Variants in UGGT2 observed in about 807,000 individuals in gnomAD.
UGGT2 encodes UDP-glucose:glycoprotein glucosyltransferase 2.
A neutral mutation model predicts 192.1 loss-of-function variants in UGGT2; 180 were observed. The observed-to-expected ratio is 0.94, with a 90% CI of 0.83 to 1.06. UGGT2 has a LOEUF of 1.06. UGGT2 is among the 50% of genes least tolerant of loss of function. The pLI is 0.00. For synonymous variants in UGGT2, 580 were observed against 591.0 expected (o/e 0.98, Z 0.27); for missense variants, 1,849 against 1,795.7 (o/e 1.03, Z -0.54).
rs150161631 is a variant in UGGT2, at chr13:95,922,329, G to A, written c.2295+3351C>T. On this transcript the variant is annotated intron_variant, in intron 20 of 38. Coordinates refer to ENST00000376747, the MANE Select transcript of UGGT2 (RefSeq NM_020121.4). ...ATGGGAAGGGAGAAAGGGGGGCCAC[G>A]AGAGTTGAAAAACTACCTATCAGGT... Among the ~76,000 whole-genome samples the A allele has an allele frequency of 4.4e-3, 665 of 152,254 alleles. 3 individuals are homozygous for A. Among genetic ancestry groups the A allele is most frequent in the South Asian group, 0.012 (56 of 4,812 alleles).
chr13:95,930,566 T>C (rs187726053), intron 17 of UGGT2, among the ~76,000 whole-genome samples: 217 of 152,302 alleles, frequency 1.4e-3, no homozygotes, highest in African/African-American at 4.8e-3. Flanking sequence ...AAAATGTTTG[T>C]AGGTGTGTGG....
At chr13:95,996,853 A>G (rs962619952) in intron 6 of UGGT2, among the ~76,000 whole-genome samples, 1 of 152,200 alleles carries the variant, frequency 6.6e-6, no homozygotes, top group Non-Finnish European at 1.5e-5. Context: ...GAAAGACACC[A>G]AAACTCATGG....
At chr13:95,940,663 T>C (rs9556511) in intron 15 of UGGT2, among the ~76,000 whole-genome samples, 61,817 of 150,124 alleles carry the variant, frequency 0.41, 12,879 homozygotes, top group Middle Eastern at 0.48. Context: ...CCATGTTGCT[T>C]AGGCTGGTAT....
intron 31 of UGGT2, 162 bp downstream of exon 31, chr13:95,863,467 A>T (rs1196950271): frequency 1.7e-6 from 1 of 580,632 alleles, no homozygotes; most frequent in East Asian, 2.8e-5. Context: ...TTATAGCTCT[A>T]GTTTCCTATC....
intron 33 of UGGT2, among the ~76,000 whole-genome samples, chr13:95,858,142 TTTCATA>T (rs1269126865): frequency 1.3e-5 from 2 of 151,856 alleles, no homozygotes; most frequent in African/African-American, 4.8e-5. Context: ...TAATTAGCTG[TTTCATA>T]TCAGGCCTAT....
intron 20 of UGGT2, among the ~76,000 whole-genome samples, chr13:95,921,611 T>C (rs771294047): frequency 6.6e-6 from 1 of 151,954 alleles, no homozygotes; most frequent in Non-Finnish European, 1.5e-5. Context: ...AACAACCCCA[T>C]TACAGAGTGA....
intron 12 of UGGT2, among the ~76,000 whole-genome samples, chr13:95,956,603 C>A (rs1478042502): frequency 2.0e-5 from 3 of 152,166 alleles, no homozygotes; most frequent in Non-Finnish European, 4.4e-5. Flanking sequence ...ATGAGAACCA[C>A]AATGAGATAC....
chr13:96,019,704 T>C (rs2052457266), intron 4 of UGGT2, among the ~76,000 whole-genome samples: 1 of 152,156 alleles, frequency 6.6e-6, no homozygotes, highest in Admixed American at 6.5e-5. Context: ...TCTGTAGTCT[T>C]CCAAGTGGCA....
At chr13:95,935,281 T>C (rs1341865194) in intron 17 of UGGT2, among the ~76,000 whole-genome samples, 2 of 152,196 alleles carry the variant, frequency 1.3e-5, no homozygotes, top group Non-Finnish European at 2.9e-5. Context: ...GGATGCTTTA[T>C]AGGGTCTGTG....
At chr13:95,999,155 G>GT (rs2051718112) in intron 6 of UGGT2, 56 bp downstream of exon 6, 12 of 1,439,800 alleles carry the variant, frequency 8.3e-6, no homozygotes, top group Admixed American at 1.7e-5. Context: ...AAAAACTAAA[G>GT]TATGTAAAAG....
chr13:95,850,772 T>C (rs1306000394), intron 36 of UGGT2, among the ~76,000 whole-genome samples: 2 of 152,242 alleles, frequency 1.3e-5, no homozygotes, highest in Non-Finnish European at 2.9e-5. Context: ...TGGACTGACC[T>C]ATACACATAT....
intron 29 of UGGT2, among the ~76,000 whole-genome samples, chr13:95,868,609 C>T (rs982557749): frequency 1.1e-4 from 16 of 152,070 alleles, no homozygotes; most frequent in African/African-American, 3.9e-4. Context: ...CAAAACAAAA[C>T]AAAACAAAAC....
At chr13:95,918,574 AT>A in intron 20 of UGGT2, among the ~76,000 whole-genome samples, 1 of 152,214 alleles carries the variant, frequency 6.6e-6, no homozygotes, top group Non-Finnish European at 1.5e-5. Flanking sequence ...TTCAAAAAAA[AT>A]CAACCAATCC....
rs1375932153 is a variant in UGGT2, at chr13:96,000,442, A to G, written c.661-1135T>C. Among the ~76,000 whole-genome samples the G allele has an allele frequency of 2.0e-5, 3 of 152,222 alleles. No homozygotes were observed. The East Asian group carries it at 5.8e-4, about 29-fold the overall frequency. ...ACAAATACTTAACATTGCTGCCCAC[A>G]CTAAAATTTAATTTGCTAATTTCTC... On this transcript the variant is annotated intron_variant, in intron 5 of 38. Transcript: ENST00000376747.
chr13:95,841,771 T>A (rs1034744672), intron 36 of UGGT2, among the ~76,000 whole-genome samples: 1 of 152,198 alleles, frequency 6.6e-6, no homozygotes, highest in African/African-American at 2.4e-5. Context: ...TAATCCAAAG[T>A]CACAAAGATT....
At chr13:96,015,055 G>C (rs986190150) in intron 4 of UGGT2, among the ~76,000 whole-genome samples, 4 of 152,068 alleles carry the variant, frequency 2.6e-5, no homozygotes, top group African/African-American at 9.7e-5. Context: ...GAGGTGGGCG[G>C]ATCATGAGGT....
chr13:95,822,877 G>C (rs534372874), intron 38 of UGGT2, among the ~76,000 whole-genome samples: 2 of 151,698 alleles, frequency 1.3e-5, no homozygotes, highest in East Asian at 3.9e-4. Context: ...CTAGTTCCTT[G>C]AGGTTGTCTA....
chr13:96,030,047 A>G (rs1259632033), intron 2 of UGGT2, among the ~76,000 whole-genome samples: 1 of 152,228 alleles, frequency 6.6e-6, no homozygotes, highest in Admixed American at 6.5e-5. Flanking sequence ...AAATATGAGG[A>G]CAACAGACAG....
At chr13:95,851,180 T>C (rs930285914) in intron 36 of UGGT2, among the ~76,000 whole-genome samples, 5 of 152,168 alleles carry the variant, frequency 3.3e-5, no homozygotes, top group Non-Finnish European at 5.9e-5. Context: ...ATCCAACCTG[T>C]AACAGGCAGC....
Sources: allele counts gnomAD v4.1 joint callset (sites outside exome capture counted in the v4.1 genomes callset), GRCh38; gene constraint gnomAD v4.1.1; transcripts MANE v1.5; gene names NCBI Gene and HGNC (gene_info 2026-07-23, HGNC 2026-07-21).